DPYD: variants seen among roughly 807,000 people sequenced by gnomAD.
The protein encoded by DPYD is dihydropyrimidine dehydrogenase [NADP(+)].
DPYD carries 109 observed loss-of-function variants against 116.2 expected under a neutral mutation model. The observed-to-expected ratio is 0.94, with a 90% CI of 0.80 to 1.10. The LOEUF is 1.10. Among genes scored for constraint, DPYD ranks in the 50% least tolerant of loss-of-function variants. The pLI is 0.00. For synonymous variants in DPYD, 440 were observed against 432.0 expected (o/e 1.02, Z -0.23); for missense variants, 1,302 against 1,254.5 (o/e 1.04, Z -0.57).
intron 12 of DPYD, among the ~76,000 whole-genome samples, chr1:97,549,263 C>T (rs961185416): frequency 4.6e-5 from 7 of 151,830 alleles, no homozygotes; most frequent in Non-Finnish European, 8.8e-5. Context: ...ATGGGATATT[C>T]CTATGTTGCC....
intron 12 of DPYD, chr1:97,546,039 T>C: frequency 2.2e-6 from 3 of 1,375,490 alleles, no homozygotes; most frequent in Non-Finnish European, 3.1e-6. Context: ...ATCACAGGTG[T>C]TAGATGATGA....
chr1:97,721,579 A>C lies in DPYD; in HGVS notation c.414T>G (p.Gly138=), dbSNP rs757163217. The C allele has an allele frequency of 6.2e-7, 1 of 1,611,940 alleles. No homozygotes were observed. The highest frequency in any genetic ancestry group is 8.5e-7 in the Non-Finnish European group (1 of 1,178,504). The change falls in exon 5 of 23, where the codon GGT becomes GGG. Residue 138 remains glycine, a synonymous_variant. Transcript: ENST00000370192. ...CTTCAGTGGCATATAAATTGCATCCACCTACACAAAGATCAGAGGTTGGAC... is the reference window on the plus strand; with the variant it reads ...CTTCAGTGGCATATAAATTGCATCCCCCTACACAAAGATCAGAGGTTGGAC... ...MVCPTSDLCV[G]GCNLYATEEG...
Position 97,893,429 on chromosome 1 carries a change from CATATATATAT to C in DPYD, c.40-10065_40-10056del, listed in dbSNP as rs59336649. On this transcript the variant is annotated intron_variant, in intron 1 of 22. Coordinates refer to ENST00000370192, the MANE Select transcript of DPYD (RefSeq NM_000110.4). ...CAAAAACAGATTTTAATATCCATCG[CATATATATAT>C]ATATATATATATATATATATATAGC... Among the ~76,000 whole-genome samples the C allele has an allele frequency of 3.5e-4, 25 of 71,904 alleles. 1 individual carries two copies. The highest frequency in any genetic ancestry group is 7.4e-4 in the African/African-American group (13 of 17,496). 47.2% of individuals were successfully genotyped at this position (71,904 alleles called of 152,430 possible). A position where few individuals can be genotyped will look rare whatever the true frequency, so the allele number is the denominator to read the frequency against.
chr1:97,828,334 T>C lies in DPYD; in HGVS notation c.151-138A>G. On this transcript the variant is annotated intron_variant, in intron 2 of 22. Transcript: ENST00000370192. ...TGCATACCACTTTAATTGGGTAGCA[T>C]TCATTAAAATTGACAGTTAAATCCA... 5.6e-6 allele frequency: 4 copies of C among 709,952 alleles called. No homozygotes were observed. The South Asian group carries it at 6.8e-5, about 12-fold the overall frequency. The allele number at this position is 709,952 out of a possible 1,614,324, so 44.0% of individuals were successfully genotyped here.
At chr1:97,830,683 C>T (rs1466185313) in intron 2 of DPYD, among the ~76,000 whole-genome samples, 2 of 146,156 alleles carry the variant, frequency 1.4e-5, no homozygotes, top group Non-Finnish European at 3.0e-5. Flanking sequence ...GCACTCCAGC[C>T]GGGGACAGAG....
chr1:97,193,112 T>C lies in DPYD; in HGVS notation c.2579A>G (p.Gln860Arg), dbSNP rs1337814933. 9 of 1,613,784 alleles carry C rather than the reference T, an allele frequency of 5.6e-6. No individual in the cohort carries two copies. The highest frequency in any genetic ancestry group is 6.8e-6 in the Non-Finnish European group (8 of 1,179,814). Residue 860 changes from glutamine (Q) to arginine (R), a missense_variant, in exon 20 of 23, where the codon CAG (glutamine) becomes CGG (arginine). Transcript: ENST00000370192. ...DGQSPATVSH[Q>R]KGKPVPRIAE... ...TATACGTGGAACTGGTTTCCCTTTC[T>C]GGTGACTCACAGTAGCTGGACTCTG... is the stretch of plus-strand genomic sequence containing the variant.
chr1:97,835,870 C>T (rs1429193084), intron 2 of DPYD, among the ~76,000 whole-genome samples: 1 of 152,026 alleles, frequency 6.6e-6, no homozygotes, highest in Non-Finnish European at 1.5e-5. Flanking sequence ...GAAGGCTCTC[C>T]AAGAGCAATT....
intron 1 of DPYD, among the ~76,000 whole-genome samples, chr1:97,916,849 A>T (rs1423759910): frequency 2.6e-5 from 4 of 152,108 alleles, no homozygotes; most frequent in African/African-American, 9.7e-5. Context: ...TCTCTATTTT[A>T]AAAAACTGCA....
intron 2 of DPYD, chr1:97,855,531 C>T (rs1670788371): frequency 6.6e-6 from 1 of 152,112 alleles, no homozygotes; most frequent in Non-Finnish European, 1.5e-5. Context: ...TTTAATAAAG[C>T]ACTAGAAAGC....
At chr1:97,207,446 G>A (rs935802825) in intron 19 of DPYD, among the ~76,000 whole-genome samples, 1 of 152,114 alleles carries the variant, frequency 6.6e-6, no homozygotes, top group African/African-American at 2.4e-5. Context: ...ATTTGTCACA[G>A]ACAAACTGGA....
chr1:97,332,123 C>T (rs1053046348), intron 16 of DPYD, among the ~76,000 whole-genome samples: 1 of 152,132 alleles, frequency 6.6e-6, no homozygotes, highest in Non-Finnish European at 1.5e-5. Flanking sequence ...GAGCCTAGAT[C>T]TACTGTCCAG....
At chr1:97,171,920 A>C (rs1199921734) in intron 20 of DPYD, among the ~76,000 whole-genome samples, 1 of 152,216 alleles carries the variant, frequency 6.6e-6, no homozygotes, top group East Asian at 1.9e-4. Flanking sequence ...GAATAGCAAT[A>C]TTAATTGTAA....
chr1:97,878,284 G>A (rs1672021868), intron 2 of DPYD, among the ~76,000 whole-genome samples: 1 of 151,848 alleles, frequency 6.6e-6, no homozygotes, highest in African/African-American at 2.4e-5. Context: ...CCTCAGGCCA[G>A]TGCCTCACTT....
intron 20 of DPYD, among the ~76,000 whole-genome samples, chr1:97,153,172 T>A (rs1655161315): frequency 6.6e-6 from 1 of 152,132 alleles, no homozygotes; most frequent in Non-Finnish European, 1.5e-5. Context: ...AACATCATAC[T>A]TTTTTCCATT....
chr1:97,713,268 T>A (rs1662397717), intron 5 of DPYD, among the ~76,000 whole-genome samples: 1 of 152,118 alleles, frequency 6.6e-6, no homozygotes, highest in Admixed American at 6.6e-5. Flanking sequence ...ACGAATCCTT[T>A]AAAACTGTAA....
At chr1:97,897,744 T>C (rs986873699) in intron 1 of DPYD, among the ~76,000 whole-genome samples, 2 of 151,938 alleles carry the variant, frequency 1.3e-5, no homozygotes, top group African/African-American at 4.8e-5. Flanking sequence ...CTTCATTTTT[T>C]GAACATATAG....
rs1263765519 is a variant in DPYD, at chr1:97,677,083, A to C, written c.850+2012T>G. Among the ~76,000 whole-genome samples the C allele has an allele frequency of 2.6e-5, 4 of 152,212 alleles. No individual in the cohort carries two copies. The East Asian group carries it at 7.7e-4, about 29-fold the overall frequency. On this transcript the variant is annotated intron_variant, in intron 8 of 22. Coordinates refer to ENST00000370192, the MANE Select transcript of DPYD (RefSeq NM_000110.4). Reference sequence around the variant, plus strand: ...TAAGGGGACTTAATAGTATAAAATTAAATTAAAAAGCTGAAACACTATTGA... The same window carrying C: ...TAAGGGGACTTAATAGTATAAAATTCAATTAAAAAGCTGAAACACTATTGA...
intron 8 of DPYD, among the ~76,000 whole-genome samples, chr1:97,661,439 C>T (rs1659251140): frequency 6.6e-6 from 1 of 152,178 alleles, no homozygotes; most frequent in East Asian, 1.9e-4. Context: ...TGCATATTTT[C>T]CTCCCCTACT....
chr1:97,594,316 A>G (rs1293256825), intron 9 of DPYD, among the ~76,000 whole-genome samples: 1 of 152,182 alleles, frequency 6.6e-6, no homozygotes, highest in Non-Finnish European at 1.5e-5. Context: ...ACATACAAAC[A>G]TCCAGTTCTA....
Sources: gnomAD v4.1 joint callset for allele counts (sites outside exome capture counted in the v4.1 genomes callset) on GRCh38, gnomAD v4.1.1 for gene constraint, MANE v1.5 for transcripts, NCBI Gene and HGNC (gene_info 2026-07-23, HGNC 2026-07-21) for gene names.